Variants in LINGO2 observed in about 807,000 individuals in gnomAD.
LINGO2 encodes leucine rich repeat and Ig domain containing 2, also known as leucine-rich repeat and immunoglobulin-like domain-containing nogo receptor-interacting protein 2.
In LINGO2, 14 loss-of-function variants were observed where a neutral mutation model predicts 30.6. The ratio of observed to expected loss-of-function variants is 0.46; its 90% CI spans 0.30 to 0.72. The LOEUF (loss-of-function observed/expected upper bound fraction) is 0.72. Ranked by LOEUF, LINGO2 falls within the 30% of genes least tolerant of loss-of-function variation. The pLI is 0.07. For synonymous variants in LINGO2, 317 were observed against 288.5 expected (o/e 1.10, Z -1.00); for missense variants, 729 against 751.7 (o/e 0.97, Z 0.35).
intron 1 of LINGO2, among the ~76,000 whole-genome samples, chr9:28,506,830 T>C (rs942345559): frequency 2.6e-5 from 4 of 151,842 alleles, no homozygotes; most frequent in African/African-American, 9.7e-5. Flanking sequence ...TGTTGGTCAC[T>C]TGCAAAGGTA....
chr9:28,444,164 A>G (rs546988801), intron 2 of LINGO2, among the ~76,000 whole-genome samples: 16 of 152,218 alleles, frequency 1.1e-4, no homozygotes, highest in African/African-American at 2.9e-4. Flanking sequence ...TGGATATGGG[A>G]CACGAACTCA....
intron 3 of LINGO2, among the ~76,000 whole-genome samples, chr9:28,303,052 C>T (rs937164901): frequency 6.6e-6 from 1 of 152,138 alleles, no homozygotes; most frequent in Non-Finnish European, 1.5e-5. Flanking sequence ...TGATTTCCCA[C>T]ATCAAGAATA....
At chr9:28,695,050 CAA>C in the LINGO2 span, among the ~76,000 whole-genome samples, 1 of 78,116 alleles carries the variant, frequency 1.3e-5, no homozygotes, top group African/African-American at 7.6e-5. Context: ...ATCTCTAATA[CAA>C]ACAAACAAAC....
At chr9:28,894,620 T>C in the LINGO2 span, among the ~76,000 whole-genome samples, 2 of 151,992 alleles carry the variant, frequency 1.3e-5, no homozygotes, top group Non-Finnish European at 2.9e-5. Flanking sequence ...GAAGCAATAG[T>C]ATTTTTTGCC....
chr9:28,206,741 A>C (rs1820422259), intron 4 of LINGO2, among the ~76,000 whole-genome samples: 1 of 152,196 alleles, frequency 6.6e-6, no homozygotes, highest in Non-Finnish European at 1.5e-5. Context: ...CAGTGTTTAT[A>C]ATCTGAAGCA....
chr9:28,560,817 C>A (rs543296408), intron 1 of LINGO2, among the ~76,000 whole-genome samples: 32 of 152,032 alleles, frequency 2.1e-4, no homozygotes, highest in African/African-American at 7.7e-4. Context: ...CAGGTGCACA[C>A]CACCATGCTT....
At chr9:28,865,314 T>TA in the LINGO2 span, among the ~76,000 whole-genome samples, 1 of 151,956 alleles carries the variant, frequency 6.6e-6, no homozygotes, top group Non-Finnish European at 1.5e-5. Context: ...CTGTCTGAAA[T>TA]ATGGGCAGAG....
the LINGO2 span, among the ~76,000 whole-genome samples, chr9:29,007,069 A>G: frequency 6.6e-6 from 1 of 152,120 alleles, no homozygotes; most frequent in African/African-American, 2.4e-5. Context: ...TTTATTGACA[A>G]TACCGTAAGT....
intron 3 of LINGO2, among the ~76,000 whole-genome samples, chr9:28,318,021 G>A (rs1009046027): frequency 2.6e-5 from 4 of 152,166 alleles, no homozygotes; most frequent in Admixed American, 2.0e-4. Context: ...ATACACATAT[G>A]CTGCAGCCAT....
chr9:28,713,247 T>C, the LINGO2 span, among the ~76,000 whole-genome samples: 3 of 151,806 alleles, frequency 2.0e-5, no homozygotes, highest in Non-Finnish European at 4.4e-5. Flanking sequence ...GCCTCAATGA[T>C]GACATTTCTG....
At chr9:28,996,958 C>T in the LINGO2 span, among the ~76,000 whole-genome samples, 1 of 152,128 alleles carries the variant, frequency 6.6e-6, no homozygotes, top group African/African-American at 2.4e-5. Flanking sequence ...CTTTTAAACG[C>T]TTTCTCTGCC....
At position 28,378,044 on chromosome 9, in the gene LINGO2, A is replaced by G. The variant is rs1821197307; in HGVS notation, c.-278-5176T>C. ...CATTCACAACTCTTAATTCTAGATC[A>G]AATCATTTATACTTTCTATTTAAGC... On this transcript the variant is annotated intron_variant, in intron 2 of 5. Coordinates refer to ENST00000379992, the Ensembl canonical transcript of LINGO2. 5.9e-5 allele frequency among the ~76,000 whole-genome samples: 9 copies of G among 152,230 alleles called. 1 individual carries two copies. In the South Asian group the frequency reaches 1.7e-3, roughly 28 times the overall value.
chr9:28,968,288 G>A, the LINGO2 span, among the ~76,000 whole-genome samples: 1 of 152,090 alleles, frequency 6.6e-6, no homozygotes, highest in African/African-American at 2.4e-5. Flanking sequence ...TTCAAAAACT[G>A]GAGTGGCTGG....
the LINGO2 span, among the ~76,000 whole-genome samples, chr9:29,050,063 T>A: frequency 7.2e-5 from 11 of 152,030 alleles, no homozygotes; most frequent in Non-Finnish European, 1.3e-4. Context: ...TATTGCTGTG[T>A]CACCCAGGCT....
At chr9:28,521,109 C>G (rs1473966048) in intron 1 of LINGO2, among the ~76,000 whole-genome samples, 1 of 152,158 alleles carries the variant, frequency 6.6e-6, no homozygotes, top group Non-Finnish European at 1.5e-5. Context: ...GAATACTAAT[C>G]CTCTGAATTA....
At chr9:28,417,495 A>G (rs922127952) in intron 2 of LINGO2, among the ~76,000 whole-genome samples, 1 of 152,248 alleles carries the variant, frequency 6.6e-6, no homozygotes, top group African/African-American at 2.4e-5. Context: ...AATACACTAC[A>G]TAATTATTAG....
Position 27,985,843 on chromosome 9 carries a change from G to A in LINGO2, c.-36+26512C>T. 1.3e-5 allele frequency among the ~76,000 whole-genome samples: 2 copies of A among 151,858 alleles called. 1 individual carries two copies. The highest frequency in any genetic ancestry group is 2.9e-5 in the Non-Finnish European group (2 of 67,870). On this transcript the variant is annotated intron_variant, in intron 5 of 5. Coordinates refer to ENST00000379992, the Ensembl canonical transcript of LINGO2. ...ATCAAGTGCAGACAGACTCCAGTGA[G>A]GTGAAAATTGCAATGGTGAGAGGTT...
chr9:28,646,321 A>C (rs1320841312), intron 1 of LINGO2, among the ~76,000 whole-genome samples: 6 of 152,114 alleles, frequency 3.9e-5, no homozygotes, highest in Non-Finnish European at 8.8e-5. Flanking sequence ...AGAGAAATAG[A>C]GCTAACATGC....
intron 1 of LINGO2, among the ~76,000 whole-genome samples, chr9:28,595,581 C>T (rs1283389048): frequency 6.6e-6 from 1 of 151,806 alleles, no homozygotes; most frequent in East Asian, 1.9e-4. Context: ...ACTATTATAC[C>T]AATAGTGAGT....
Sources: gnomAD v4.1 joint callset for allele counts (sites outside exome capture counted in the v4.1 genomes callset) on GRCh38, gnomAD v4.1.1 for gene constraint, MANE v1.5 for transcripts, NCBI Gene and HGNC (gene_info 2026-07-23, HGNC 2026-07-21) for gene names.